B3GALT1: variants seen among roughly 807,000 people sequenced by gnomAD.
The protein encoded by B3GALT1 is beta-1,3-galactosyltransferase 1, also known as UDP-Gal:betaGlcNAc beta 1,3-galactosyltransferase, polypeptide 1.
A neutral mutation model predicts 23.2 loss-of-function variants in B3GALT1; 10 were observed. The ratio of observed to expected loss-of-function variants is 0.43; its 90% CI spans 0.27 to 0.73. The LOEUF (loss-of-function observed/expected upper bound fraction) is 0.73. Among genes scored for constraint, B3GALT1 ranks in the 30% least tolerant of loss-of-function variants. B3GALT1 has a pLI of 0.21. For synonymous variants in B3GALT1, 156 were observed against 141.5 expected (o/e 1.10, Z -0.73); for missense variants, 299 against 405.4 (o/e 0.74, Z 2.25).
intron 3 of B3GALT1, among the ~76,000 whole-genome samples, chr2:167,719,867 G>A (rs1687204253): frequency 6.6e-6 from 1 of 152,030 alleles, no homozygotes; most frequent in Admixed American, 6.5e-5. Context: ...AGGAGGCAGA[G>A]GTTGCAGTGA....
intron 3 of B3GALT1, among the ~76,000 whole-genome samples, chr2:167,789,943 A>G (rs1688405659): frequency 6.6e-6 from 1 of 152,118 alleles, no homozygotes; most frequent in Non-Finnish European, 1.5e-5. Context: ...TTATTCTTTT[A>G]TTCTCTACAC....
At chr2:167,741,170 C>G (rs959947610) in intron 3 of B3GALT1, among the ~76,000 whole-genome samples, 93 of 152,118 alleles carry the variant, frequency 6.1e-4, no homozygotes, top group African/African-American at 2.2e-3. Flanking sequence ...AGATGACACC[C>G]CAGAATGTAG....
At chr2:167,791,041 T>C (rs1296952220) in intron 3 of B3GALT1, among the ~76,000 whole-genome samples, 1 of 152,202 alleles carries the variant, frequency 6.6e-6, no homozygotes, top group African/African-American at 2.4e-5. Context: ...TGTCAGGAGA[T>C]GAATACAAAT....
intron 1 of B3GALT1, among the ~76,000 whole-genome samples, chr2:167,478,153 G>A (rs1423759876): frequency 6.6e-6 from 1 of 152,166 alleles, no homozygotes; most frequent in East Asian, 1.9e-4. Context: ...CATTTTCAAA[G>A]CATAGCTTTA....
intron 1 of B3GALT1, among the ~76,000 whole-genome samples, chr2:167,467,590 G>A (rs1380205079): frequency 6.6e-6 from 1 of 152,160 alleles, no homozygotes; most frequent in Non-Finnish European, 1.5e-5. Flanking sequence ...GAGCAGGGGA[G>A]CAGAAGGCCA....
chr2:167,443,438 G>T (rs1698928539), intron 1 of B3GALT1, among the ~76,000 whole-genome samples: 1 of 152,278 alleles, frequency 6.6e-6, no homozygotes, highest in Non-Finnish European at 1.5e-5. Flanking sequence ...TGATGGGAAT[G>T]GCATTGAATC....
At chr2:167,821,253 C>G (rs1349085792) in intron 4 of B3GALT1, among the ~76,000 whole-genome samples, 1 of 151,842 alleles carries the variant, frequency 6.6e-6, no homozygotes, top group Non-Finnish European at 1.5e-5. Context: ...AGTGAAAAGC[C>G]CAACTTTTAT....
At chr2:167,350,046 G>T (rs563948397) in intron 1 of B3GALT1, among the ~76,000 whole-genome samples, 3 of 152,212 alleles carry the variant, frequency 2.0e-5, no homozygotes, top group African/African-American at 7.2e-5. Context: ...TTTCTTATTT[G>T]TAATAACCAA....
At chr2:167,776,941 C>G in intron 3 of B3GALT1, among the ~76,000 whole-genome samples, 1 of 152,058 alleles carries the variant, frequency 6.6e-6, no homozygotes, top group African/African-American at 2.4e-5. Context: ...TGTTGCTTCT[C>G]TGTGTGTACA....
chr2:167,704,136 G>A (rs993135741), intron 3 of B3GALT1, among the ~76,000 whole-genome samples: 3 of 133,542 alleles, frequency 2.2e-5, no homozygotes, highest in South Asian at 2.4e-4. Flanking sequence ...AGCCGAGATC[G>A]CACCACTGCA....
chr2:167,566,471 T>C (rs896755916), intron 2 of B3GALT1, among the ~76,000 whole-genome samples: 2 of 151,784 alleles, frequency 1.3e-5, no homozygotes, highest in Non-Finnish European at 2.9e-5. Flanking sequence ...CTGCACATTG[T>C]GCACATGTAC....
intron 2 of B3GALT1, among the ~76,000 whole-genome samples, chr2:167,579,062 T>A (rs1438160848): frequency 6.6e-6 from 1 of 152,086 alleles, no homozygotes; most frequent in Non-Finnish European, 1.5e-5. Flanking sequence ...TGCCCCCAGA[T>A]AAAATGGCAG....
At chr2:167,456,751 A>C (rs758509952) in intron 1 of B3GALT1, among the ~76,000 whole-genome samples, 1 of 152,190 alleles carries the variant, frequency 6.6e-6, no homozygotes, top group Non-Finnish European at 1.5e-5. Context: ...AAAGACATTC[A>C]TTAGGGATAT....
chr2:167,659,889 C>T (rs1224276665), intron 3 of B3GALT1, among the ~76,000 whole-genome samples: 1 of 151,998 alleles, frequency 6.6e-6, no homozygotes, highest in Admixed American at 6.6e-5. Context: ...TACCAGCTGC[C>T]TGTCACTGTG....
At chr2:167,312,637 T>C (rs1253923284) in intron 1 of B3GALT1, among the ~76,000 whole-genome samples, 1 of 152,104 alleles carries the variant, frequency 6.6e-6, no homozygotes, top group Non-Finnish European at 1.5e-5. Context: ...GATTACATGG[T>C]CTTGTTTAAG....
chr2:167,716,856 A>G (rs189022377), intron 3 of B3GALT1, among the ~76,000 whole-genome samples: 1 of 152,172 alleles, frequency 6.6e-6, no homozygotes, highest in African/African-American at 2.4e-5. Context: ...GTTGCATTTT[A>G]TAGCTTAGTG....
chr2:167,609,882 A>G (rs190558861), intron 2 of B3GALT1, among the ~76,000 whole-genome samples: 8 of 152,268 alleles, frequency 5.3e-5, no homozygotes, highest in Admixed American at 5.2e-4. Flanking sequence ...GAATAAAGAA[A>G]TAGATGTGGA....
intron 2 of B3GALT1, among the ~76,000 whole-genome samples, chr2:167,631,858 T>C (rs1685453872): frequency 6.6e-6 from 1 of 151,456 alleles, no homozygotes; most frequent in South Asian, 2.1e-4. Context: ...TGCAGGTTTG[T>C]TACATAGGTA....
At chr2:167,468,178 T>C (rs984055725) in intron 1 of B3GALT1, among the ~76,000 whole-genome samples, 4 of 152,158 alleles carry the variant, frequency 2.6e-5, no homozygotes, top group Admixed American at 1.3e-4. Context: ...TGTAATCTTA[T>C]AGAAAAGGAT....
Sources: allele counts gnomAD v4.1 joint callset (sites outside exome capture counted in the v4.1 genomes callset), GRCh38; gene constraint gnomAD v4.1.1; transcripts MANE v1.5; gene names NCBI Gene and HGNC (gene_info 2026-07-23, HGNC 2026-07-21).